The following MAGI2 variants were observed in gnomAD, a reference collection of about 807,000 sequenced individuals.
The protein encoded by MAGI2 is membrane associated guanylate kinase, WW and PDZ domain containing 2, also known as membrane-associated guanylate kinase, WW and PDZ domain-containing protein 2.
In MAGI2, 35 loss-of-function variants were observed where a neutral mutation model predicts 133.3. The ratio of observed to expected loss-of-function variants is 0.26; its 90% CI spans 0.20 to 0.35. MAGI2 has a LOEUF of 0.35. Among genes scored for constraint, MAGI2 ranks in the 10% least tolerant of loss-of-function variants. MAGI2 has a pLI of 1.00. For synonymous variants in MAGI2, 729 were observed against 710.6 expected, an observed-to-expected ratio of 1.03 and a Z score of -0.41; for missense variants, 1,636 against 1,863.4, an observed-to-expected ratio of 0.88 and a Z score of 2.25.
intron 2 of MAGI2, among the ~76,000 whole-genome samples, chr7:78,857,606 C>G (rs1333854939): frequency 6.6e-6 from 1 of 152,204 alleles, no homozygotes; most frequent in African/African-American, 2.4e-5. Context: ...ATGAAGCCCA[C>G]TTGATCATGG....
intron 1 of MAGI2, among the ~76,000 whole-genome samples, chr7:79,259,389 A>G (rs1238382149): frequency 6.6e-6 from 1 of 152,224 alleles, no homozygotes; most frequent in African/African-American, 2.4e-5. Flanking sequence ...TGTTTGTTAT[A>G]TCAAGATTGA....
chr7:78,435,988 T>G (rs1800247708), intron 6 of MAGI2, among the ~76,000 whole-genome samples: 3 of 152,146 alleles, frequency 2.0e-5, no homozygotes, highest in Admixed American at 1.3e-4. Flanking sequence ...GAAATGCCAT[T>G]TTGAACAAGG....
chr7:79,119,782 AG>A (rs1199700881), intron 1 of MAGI2, among the ~76,000 whole-genome samples: 3 of 152,092 alleles, frequency 2.0e-5, no homozygotes, highest in Non-Finnish European at 4.4e-5. Flanking sequence ...AACTTGGCTC[AG>A]CTATCTACAG....
chr7:79,333,318 G>A (rs1382593732), intron 1 of MAGI2, among the ~76,000 whole-genome samples: 1 of 152,010 alleles, frequency 6.6e-6, no homozygotes, highest in African/African-American at 2.4e-5. Flanking sequence ...AGTACAGACA[G>A]GGTTTCACCA....
chr7:79,326,154 C>T (rs1839678585), intron 1 of MAGI2, among the ~76,000 whole-genome samples: 1 of 151,856 alleles, frequency 6.6e-6, no homozygotes, highest in African/African-American at 2.4e-5. Context: ...CCAAGTGGTG[C>T]CTTTCCTTCA....
At chr7:78,167,875 C>T (rs1459383457) in intron 15 of MAGI2, 41 bp downstream of exon 15, 3 of 1,567,358 alleles carry the variant, frequency 1.9e-6, no homozygotes, top group Non-Finnish European at 2.6e-6. Flanking sequence ...AGCATCTTAC[C>T]ACCTAACCCT....
At chr7:78,642,913 T>C (rs75218634) in intron 2 of MAGI2, among the ~76,000 whole-genome samples, 11 of 152,100 alleles carry the variant, frequency 7.2e-5, no homozygotes, top group African/African-American at 2.7e-4. Context: ...GTTCTAAAAA[T>C]TTTTGTTGTG....
chr7:78,818,271 G>A (rs978968801), intron 2 of MAGI2, among the ~76,000 whole-genome samples: 1 of 152,054 alleles, frequency 6.6e-6, no homozygotes, highest in Non-Finnish European at 1.5e-5. Context: ...TTGAAATTTT[G>A]TTTTAGAGAC....
intron 2 of MAGI2, among the ~76,000 whole-genome samples, chr7:78,697,579 C>G (rs1817647927): frequency 6.6e-6 from 1 of 152,122 alleles, no homozygotes; most frequent in Non-Finnish European, 1.5e-5. Flanking sequence ...TTATACTTAG[C>G]ATAGTGTCTG....
intron 2 of MAGI2, among the ~76,000 whole-genome samples, chr7:78,720,178 G>A (rs913142922): frequency 6.6e-6 from 1 of 152,032 alleles, no homozygotes; most frequent in African/African-American, 2.4e-5. Context: ...GCCTTCCTAA[G>A]AGGGATAAAT....
At chr7:78,843,442 A>G (rs796121611) in intron 2 of MAGI2, among the ~76,000 whole-genome samples, 18 of 151,998 alleles carry the variant, frequency 1.2e-4, no homozygotes, top group African/African-American at 4.3e-4. Context: ...TAACAGCATG[A>G]TAAGGACAAT....
At chr7:78,953,861 ATCC>A (rs900248647) in intron 2 of MAGI2, among the ~76,000 whole-genome samples, 1 of 152,142 alleles carries the variant, frequency 6.6e-6, no homozygotes, top group African/African-American at 2.4e-5. Flanking sequence ...TACATTTTTC[ATCC>A]TCCTCCTTAA....
At chr7:79,236,619 G>T (rs1051387514) in intron 1 of MAGI2, among the ~76,000 whole-genome samples, 1 of 152,192 alleles carries the variant, frequency 6.6e-6, no homozygotes, top group Admixed American at 6.5e-5. Context: ...TCCCAAGTCT[G>T]TAAAATGAAA....
chr7:79,240,775 A>G (rs1041195683), intron 1 of MAGI2, among the ~76,000 whole-genome samples: 4 of 151,766 alleles, frequency 2.6e-5, no homozygotes, highest in Non-Finnish European at 5.9e-5. Context: ...TTTCTTCGAC[A>G]TTTCCCTCAC....
chr7:78,260,427 C>G (rs542974622), intron 9 of MAGI2, among the ~76,000 whole-genome samples: 1 of 152,234 alleles, frequency 6.6e-6, no homozygotes, highest in African/African-American at 2.4e-5. Context: ...GGAAGAGTCA[C>G]TTGATCTCCC....
rs564256576 is a variant in MAGI2 at position 78,174,866 on chromosome 7, C to T, written c.2403+3145G>A. 3.3e-5 allele frequency among the ~76,000 whole-genome samples: 5 copies of T among 152,258 alleles called. No homozygotes were observed. In the South Asian group the frequency reaches 1.0e-3, roughly 32 times the overall value. On this transcript the variant is annotated intron_variant, in intron 14 of 21. Transcript: ENST00000354212. The stretch of plus-strand genomic sequence containing the variant: ...GTGGGCAATGGTTCAATCAATCATG[C>T]CCATGTAACAAAACACTGGGATAAA...
At position 79,123,657 on chromosome 7, in the gene MAGI2, G is replaced by T. The variant is rs900004469; in HGVS notation, c.302-116451C>A. Among the ~76,000 whole-genome samples the T allele has an allele frequency of 2.6e-5, 4 of 151,776 alleles. No homozygotes were observed. In the East Asian group the frequency reaches 7.8e-4, roughly 29 times the overall value. On this transcript the variant is annotated intron_variant, in intron 1 of 21. Coordinates refer to ENST00000354212, the MANE Select transcript of MAGI2 (RefSeq NM_012301.4). The stretch of plus-strand genomic sequence containing the variant: ...AAAAATTAGCCAGGCGTGGTGGGGT[G>T]TGCCTGTAATCCCAGCAACTCAGGA...
intron 9 of MAGI2, among the ~76,000 whole-genome samples, chr7:78,331,884 A>G (rs1789242513): frequency 6.6e-6 from 1 of 152,236 alleles, no homozygotes; most frequent in African/African-American, 2.4e-5. Context: ...TTTGTGCAGA[A>G]TAACTTAAAA....
intron 9 of MAGI2, among the ~76,000 whole-genome samples, chr7:78,268,944 C>A (rs187940669): frequency 6.6e-6 from 1 of 152,258 alleles, no homozygotes; most frequent in East Asian, 1.9e-4. Flanking sequence ...CAGCCCCCCA[C>A]CCACTGACAA....
Sources: allele counts gnomAD v4.1 joint callset (sites outside exome capture counted in the v4.1 genomes callset), GRCh38; gene constraint gnomAD v4.1.1; transcripts MANE v1.5; gene names NCBI Gene and HGNC (gene_info 2026-07-23, HGNC 2026-07-21).